Variants in CD244 observed in about 807,000 individuals in gnomAD.
CD244 encodes the protein natural killer cell receptor 2B4.
CD244 carries 20 observed loss-of-function variants against 45.5 expected under a neutral mutation model. The ratio of observed to expected loss-of-function variants is 0.44; its 90% CI spans 0.31 to 0.64. CD244 has a LOEUF of 0.64. Ranked by LOEUF, CD244 falls within the 30% of genes least tolerant of loss-of-function variation. The pLI is 0.08. For missense variants in CD244, 407 were observed against 426.9 expected (o/e 0.95, Z 0.41); for synonymous variants, 185 against 160.5 (o/e 1.15, Z -1.15).
In CD244 at chr1:160,836,236, GAA is replaced by G; in HGVS notation, c.851_852del (p.Phe284SerfsTer50). 1 of 1,613,774 alleles carries G rather than the reference GAA, an allele frequency of 6.2e-7. No homozygotes were observed. The highest frequency in any genetic ancestry group is 8.5e-7 in the Non-Finnish European group (1 of 1,179,700). ...TRRNHEQEQT[F>X]PGGGSTIYSM... ...GAGTAGATGGTGCTCCCCCCTCCAG[GAA>G]AAGTCTGCTCCTGCTCCTGCACAAG... is the stretch of plus-strand genomic sequence containing the variant. On this transcript the variant is annotated frameshift_variant, in exon 6 of 9. Coordinates refer to ENST00000368034, the MANE Select transcript of CD244 (RefSeq NM_016382.4). LOFTEE classifies it high-confidence loss of function.
chr1:160,843,738 A>G (rs1477950902), intron 1 of CD244, among the ~76,000 whole-genome samples: 1 of 152,248 alleles, frequency 6.6e-6, no homozygotes, highest in African/African-American at 2.4e-5. Context: ...GTTATCAGAG[A>G]GTTTATAAAG....
intron 1 of CD244, chr1:160,848,148 G>T: frequency 2.1e-6 from 1 of 469,646 alleles, no homozygotes; most frequent in East Asian, 5.2e-5. Flanking sequence ...AAATGATTTG[G>T]TTACAAGAGC....
In CD244 at chr1:160,831,568, G is replaced by A. The variant is rs1188397247; in HGVS notation, c.1018-141C>T. On this transcript the variant is annotated intron_variant, in intron 8 of 8. Transcript: ENST00000368034. ...ACAAAACAAATTACTCAGGATCCAC[G>A]ACTAGTGTGAAGTGCAGGAGGGACT... 3.4e-5 allele frequency: 22 copies of A among 644,516 alleles called. 1 individual carries two copies. Among genetic ancestry groups the A allele is most frequent in the South Asian group, 1.9e-4 (10 of 52,908 alleles). 39.9% of individuals were successfully genotyped at this position (644,516 alleles called of 1,614,324 possible).
At chr1:160,833,347 G>T (rs1571083754) in intron 7 of CD244, among the ~76,000 whole-genome samples, 1 of 152,164 alleles carries the variant, frequency 6.6e-6, no homozygotes, top group Admixed American at 6.5e-5. Flanking sequence ...GACTTCCACA[G>T]TTGTGTGGAC....
chr1:160,831,861 G>A (rs146662702), intron 8 of CD244, among the ~76,000 whole-genome samples: 1 of 152,102 alleles, frequency 6.6e-6, no homozygotes, highest in South Asian at 2.1e-4. Flanking sequence ...GGGAGGTTGG[G>A]GGATGCTCTC....
At chr1:160,833,410 C>G (rs188782658) in intron 7 of CD244, among the ~76,000 whole-genome samples, 14 of 152,298 alleles carry the variant, frequency 9.2e-5, no homozygotes, top group Admixed American at 3.3e-4. Context: ...CACTGTGGCT[C>G]CAGCCTTGGG....
intron 1 of CD244, among the ~76,000 whole-genome samples, chr1:160,846,508 A>G (rs1291216683): frequency 6.6e-6 from 1 of 152,164 alleles, no homozygotes; most frequent in Non-Finnish European, 1.5e-5. Context: ...TCGACTAAAA[A>G]TACAAAAGTT....
At chr1:160,853,812 A>G (rs1670006108) in intron 1 of CD244, among the ~76,000 whole-genome samples, 1 of 147,936 alleles carries the variant, frequency 6.8e-6, no homozygotes. Context: ...AAAAAAAGTG[A>G]AAAAGGAAGA....
intron 1 of CD244, among the ~76,000 whole-genome samples, chr1:160,854,533 C>T (rs1331998448): frequency 6.6e-6 from 1 of 150,834 alleles, no homozygotes; most frequent in Non-Finnish European, 1.5e-5. Context: ...CAGGTGCCTG[C>T]CACCACCCCC....
chr1:160,851,724 G>A (rs1046427439), intron 1 of CD244, among the ~76,000 whole-genome samples: 1 of 151,806 alleles, frequency 6.6e-6, no homozygotes, highest in Non-Finnish European at 1.5e-5. Context: ...TGCATTTTTG[G>A]TAGAGATAGA....
At position 160,832,512 on chromosome 1, in the gene CD244, A is replaced by G; in HGVS notation, c.1017+7T>C. ...AGTAAACCCATTGAGGAGTTCCAGA[A>G]TCTTACCACTTCATAGATAGTGCTA... On this transcript the variant is annotated splice_region_variant and intron_variant, in intron 8 of 8. Coordinates refer to ENST00000368034, the MANE Select transcript of CD244 (RefSeq NM_016382.4). 6.3e-7 allele frequency: 1 copy of G among 1,581,688 alleles called. No homozygotes were observed. The highest frequency in any genetic ancestry group is 8.6e-7 in the Non-Finnish European group (1 of 1,157,658).
Position 160,838,433 on chromosome 1 carries a change from G to A in CD244, c.834+18C>T, listed in dbSNP as rs1669407244. ...TCCAAGCCAGCTGAGAGAGACCCCA[G>A]CCTCCGGGATGACATACGTGATTTC... On this transcript the variant is annotated intron_variant, in intron 5 of 8. Coordinates refer to ENST00000368034, the MANE Select transcript of CD244 (RefSeq NM_016382.4). 6.3e-7 allele frequency: 1 copy of A among 1,593,966 alleles called. No individual in the cohort carries two copies. The highest frequency in any genetic ancestry group is 8.6e-7 in the Non-Finnish European group (1 of 1,161,786).
In CD244 at chr1:160,841,366, C is replaced by A; in HGVS notation, c.499G>T (p.Gly167Trp). 1 of 1,614,228 alleles carries A rather than the reference C, an allele frequency of 6.2e-7. No individual in the cohort carries two copies. The highest frequency in any genetic ancestry group is 1.1e-5 in the South Asian group (1 of 91,084). The change falls in exon 3 of 9, where the codon GGG becomes TGG. Residue 167 changes from glycine (G) to tryptophan (W), a missense_variant. Transcript: ENST00000368034. ...CCTGCTGTCTGGATCAGCTTGCTCC[C>A]TCTGTACCAAGCATAGGACACATTG... ...DGNVSYAWYRGSKLIQTAGNL... is the reference protein window; with the variant it reads ...DGNVSYAWYRWSKLIQTAGNL...
At chr1:160,856,032 T>C (rs1670094739) in intron 1 of CD244, among the ~76,000 whole-genome samples, 1 of 152,126 alleles carries the variant, frequency 6.6e-6, no homozygotes, top group South Asian at 2.1e-4. Flanking sequence ...GCAAGTGGAA[T>C]TTCCACCAGC....
At chr1:160,842,014 C>T (rs565217009) in intron 1 of CD244, 113 bp from the exon 2 acceptor site, 3 of 769,370 alleles carry the variant, frequency 3.9e-6, no homozygotes, top group African/African-American at 3.5e-5. Context: ...GTATGAGGAG[C>T]CCAGAACCTA....
chr1:160,835,063 A>C (rs1669282027), intron 6 of CD244, among the ~76,000 whole-genome samples: 2 of 152,196 alleles, frequency 1.3e-5, no homozygotes, highest in Admixed American at 1.3e-4. Flanking sequence ...CCCACAGCTC[A>C]GCCACCAAAC....
intron 1 of CD244, among the ~76,000 whole-genome samples, chr1:160,859,326 G>C (rs375712988): frequency 2.6e-5 from 4 of 152,152 alleles, no homozygotes; most frequent in Non-Finnish European, 5.9e-5. Flanking sequence ...GCCAGGTCAC[G>C]CACCATTGTA....
In CD244 at chr1:160,854,754, C is replaced by CT. The variant is rs1670048392; in HGVS notation, c.61+7862dup. Among the ~76,000 whole-genome samples, 3 of 151,956 alleles carry CT rather than the reference C, an allele frequency of 2.0e-5. No homozygotes were observed. In the South Asian group the frequency reaches 6.2e-4, roughly 32 times the overall value. ...CCTCATGCTATACTGCCTTTGGGGT[C>CT]TTTTTAAAAATTAGGCCGTTATATT... On this transcript the variant is annotated intron_variant, in intron 1 of 8. Transcript: ENST00000368034.
chr1:160,845,194 AT>A (rs888781947), intron 1 of CD244, among the ~76,000 whole-genome samples: 3 of 152,006 alleles, frequency 2.0e-5, no homozygotes, highest in African/African-American at 4.8e-5. Flanking sequence ...CTGAAATTGG[AT>A]TTTTTTTAAA....
Sources: allele counts gnomAD v4.1 joint callset (sites outside exome capture counted in the v4.1 genomes callset), GRCh38; gene constraint gnomAD v4.1.1; transcripts MANE v1.5; gene names NCBI Gene and HGNC (gene_info 2026-07-23, HGNC 2026-07-21).